Variants in PPARGC1B observed in about 807,000 individuals in gnomAD.
The protein encoded by PPARGC1B is PPARG coactivator 1 beta, also known as peroxisome proliferator-activated receptor gamma coactivator 1-beta.
PPARGC1B carries 34 observed loss-of-function variants against 101.6 expected under a neutral mutation model. The ratio of observed to expected loss-of-function variants is 0.33; its 90% CI spans 0.25 to 0.45. The LOEUF (loss-of-function observed/expected upper bound fraction) is 0.45. Ranked by LOEUF, PPARGC1B falls within the 20% of genes least tolerant of loss-of-function variation. The probability of loss-of-function intolerance (pLI) is 1.00; values close to 1 mark genes in which losing one functional copy is unlikely to be tolerated. For missense variants in PPARGC1B, 1,234 were observed against 1,317.6 expected (o/e 0.94, Z 0.98); for synonymous variants, 548 against 539.3 (o/e 1.02, Z -0.22).
chr5:149,829,542 C>T (rs1284753570), intron 3 of PPARGC1B, among the ~76,000 whole-genome samples: 1 of 152,126 alleles, frequency 6.6e-6, no homozygotes, highest in Non-Finnish European at 1.5e-5. Flanking sequence ...ACTAAAATCT[C>T]ATGATCTTTC....
At position 149,833,778 on chromosome 5, in the gene PPARGC1B, G is replaced by C; in HGVS notation, c.1705G>C (p.Asp569His). 6.6e-7 allele frequency: 1 copy of C among 1,512,076 alleles called. No homozygotes were observed. The highest frequency in any genetic ancestry group is 8.8e-7 in the Non-Finnish European group (1 of 1,134,946). The allele number at this position is 1,512,076 out of a possible 1,614,324, so 93.7% of individuals were successfully genotyped here. ...CAGCTGCCCGCAGCTCCCTCCCAGA[G>C]GTAGTCAGAGTTGGTGGTCTGCGAA... is the stretch of plus-strand genomic sequence containing the variant. ...DPSCPQLPPR[D>H]SPRCLMLALS... Residue 569 changes from aspartate to histidine, a missense_variant and splice_region_variant, in exon 5 of 12, where the codon GAC (aspartate) becomes CAC (histidine). Around this residue, in one of 3 missense-constraint regions of PPARGC1B, gnomAD observed 734 missense variants for 768.4 expected, o/e 0.96. Coordinates refer to ENST00000309241, the MANE Select transcript of PPARGC1B (RefSeq NM_133263.4). The surrounding 1 kb of genome is among the most constrained non-coding windows in gnomAD (Gnocchi z 4.1).
At chr5:149,738,252 A>C (rs1754797090) in intron 1 of PPARGC1B, among the ~76,000 whole-genome samples, 1 of 151,792 alleles carries the variant, frequency 6.6e-6, no homozygotes, top group Non-Finnish European at 1.5e-5. Flanking sequence ...ATCAGTCCTC[A>C]TTGAATGATT....
chr5:149,796,880 A>G (rs1323254433), intron 1 of PPARGC1B, among the ~76,000 whole-genome samples: 1 of 152,206 alleles, frequency 6.6e-6, no homozygotes, highest in East Asian at 1.9e-4. Context: ...TCAGGTGGAG[A>G]TATCAAGGAG....
At chr5:149,829,960 G>A (rs189328060) in intron 3 of PPARGC1B, among the ~76,000 whole-genome samples, 2,090 of 144,292 alleles carry the variant, frequency 0.014, 24 homozygotes, top group Non-Finnish European at 0.022. Context: ...GCTTGAACCC[G>A]TGAGGTGGAG....
At chr5:149,768,561 AGCCTCCTG>A (rs1398630723) in intron 1 of PPARGC1B, among the ~76,000 whole-genome samples, 105 of 147,114 alleles carry the variant, frequency 7.1e-4, no homozygotes, top group African/African-American at 2.6e-3. Context: ...CTGCCACCTC[AGCCTCCTG>A]AGTAGCTGAG....
chr5:149,771,515 C>T (rs1042726707), intron 1 of PPARGC1B, among the ~76,000 whole-genome samples: 32 of 152,206 alleles, frequency 2.1e-4, no homozygotes, highest in Admixed American at 1.6e-3. Flanking sequence ...TGGAGATATT[C>T]TAGTCAGGTG....
At chr5:149,826,563 T>C in intron 2 of PPARGC1B, 110 bp from the exon 3 acceptor site, 1 of 832,750 alleles carries the variant, frequency 1.2e-6, no homozygotes, top group Non-Finnish European at 2.0e-6. Flanking sequence ...AGGGTGTTGG[T>C]GGGCCAGCTG....
intron 1 of PPARGC1B, among the ~76,000 whole-genome samples, chr5:149,742,377 C>T (rs1251939083): frequency 6.6e-6 from 1 of 152,114 alleles, no homozygotes; most frequent in African/African-American, 2.4e-5. Context: ...TTTTGCTCTG[C>T]GATCCCCACA....
chr5:149,836,941 C>T lies in PPARGC1B; in HGVS notation c.2486C>T (p.Pro829Leu). The T allele has an allele frequency of 6.2e-7, 1 of 1,613,976 alleles. No homozygotes were observed. The highest frequency in any genetic ancestry group is 8.5e-7 in the Non-Finnish European group (1 of 1,180,010). The change falls in exon 8 of 12, where the codon CCC becomes CTC. Residue 829 changes from proline (P) to leucine (L), a missense_variant. This residue lies in a region of PPARGC1B where 497 missense variants were observed against 529.5 expected (regional missense o/e 0.94). Transcript: ENST00000309241. ...GAAGAAGAGGACTCAGGGGTCAGCC[C>T]CACTTGCTCTGACCACTGCCCCTAC... is the stretch of plus-strand genomic sequence containing the variant. Reference protein sequence around the residue: ...DDEEEDSGVSPTCSDHCPYQS... With the variant: ...DDEEEDSGVSLTCSDHCPYQS...
intron 1 of PPARGC1B, among the ~76,000 whole-genome samples, chr5:149,753,238 G>A (rs113195024): frequency 0.027 from 4,092 of 152,154 alleles, 177 homozygotes; most frequent in African/African-American, 0.093. Context: ...ACAGAGTCTC[G>A]CTCTGTTGCC....
rs952300323 is a variant in PPARGC1B at position 149,733,676 on chromosome 5, G to A, written c.78+3256G>A. On this transcript the variant is annotated intron_variant, in intron 1 of 11. Transcript: ENST00000309241. ...AGCAGAAGCTCCCAGGCTAGCAGGG[G>A]AGACAGCTGGGCAGCGAGTGTGGGA... Among the ~76,000 whole-genome samples the A allele has an allele frequency of 3.9e-5, 6 of 152,144 alleles. No individual in the cohort carries two copies. In the East Asian group the frequency reaches 9.7e-4, roughly 25 times the overall value.
intron 1 of PPARGC1B, among the ~76,000 whole-genome samples, chr5:149,741,573 T>C (rs574925021): frequency 1.8e-4 from 27 of 152,314 alleles, no homozygotes; most frequent in Middle Eastern, 3.4e-3. Flanking sequence ...AAATACTGTG[T>C]TTGGCAATGC....
At chr5:149,809,928 G>A (rs750909607) in intron 1 of PPARGC1B, among the ~76,000 whole-genome samples, 2 of 151,656 alleles carry the variant, frequency 1.3e-5, no homozygotes, top group African/African-American at 4.8e-5. Context: ...AAAGAAGGGA[G>A]CCGCTATGGG....
At chr5:149,749,448 G>A (rs549844594) in intron 1 of PPARGC1B, among the ~76,000 whole-genome samples, 1 of 152,250 alleles carries the variant, frequency 6.6e-6, no homozygotes, top group South Asian at 2.1e-4. Context: ...GATGTTTTTT[G>A]AATGGAGCCC....
intron 1 of PPARGC1B, among the ~76,000 whole-genome samples, chr5:149,765,055 A>C (rs1469608619): frequency 1.3e-5 from 2 of 148,988 alleles, no homozygotes; most frequent in African/African-American, 4.9e-5. Context: ...GTACCCAAAC[A>C]CACATGTCCT....
chr5:149,762,284 G>A (rs973576913), intron 1 of PPARGC1B, among the ~76,000 whole-genome samples: 1 of 151,756 alleles, frequency 6.6e-6, no homozygotes, highest in African/African-American at 2.4e-5. Flanking sequence ...AAGTAGCTGG[G>A]ATTACAGGCG....
intron 1 of PPARGC1B, among the ~76,000 whole-genome samples, chr5:149,749,363 C>G (rs1031572477): frequency 2.6e-5 from 4 of 152,182 alleles, no homozygotes; most frequent in Non-Finnish European, 1.5e-5. Flanking sequence ...GACTTACCCG[C>G]TGAGGTCACT....
chr5:149,855,117 C>T (rs1759915042), downstream of PPARGC1B: 1 of 152,192 alleles, frequency 6.6e-6, no homozygotes, highest in Non-Finnish European at 1.5e-5. Flanking sequence ...TTTTCAGCGT[C>T]ACCTTCTCAG....
rs779761052 is a variant in PPARGC1B at position 149,845,868 on chromosome 5, C to T, written c.2925C>T (p.Ser975=). Residue 975 remains serine, a synonymous_variant, in exon 11 of 12, where the codon AGC becomes AGT. Coordinates refer to ENST00000309241, the MANE Select transcript of PPARGC1B (RefSeq NM_133263.4). ...GCAACGAGCCCTCCTTCCAGCTGAGCTACGGAGGGCTCCGGCACTTCTGCT... is the reference window on the plus strand; with the variant it reads ...GCAACGAGCCCTCCTTCCAGCTGAGTTACGGAGGGCTCCGGCACTTCTGCT... ...RKRNEPSFQL[S]YGGLRHFCWP... 2.5e-6 allele frequency: 4 copies of T among 1,614,098 alleles called. No homozygotes were observed. The highest frequency in any genetic ancestry group is 2.7e-5 in the African/African-American group (2 of 74,938).
Sources: allele counts gnomAD v4.1 joint callset (sites outside exome capture counted in the v4.1 genomes callset), GRCh38; gene constraint gnomAD v4.1.1; regional missense constraint gnomAD v4.1.1; non-coding constraint Gnocchi (gnomAD v3.1); transcripts MANE v1.5; gene names NCBI Gene and HGNC (gene_info 2026-07-23, HGNC 2026-07-21).